The following MIB2 variants were observed in gnomAD, a reference collection of about 807,000 sequenced individuals.
The protein encoded by MIB2 is E3 ubiquitin-protein ligase MIB2.
Under a neutral mutation model 96.6 loss-of-function variants are expected in MIB2, and 78 were observed. The ratio of observed to expected loss-of-function variants is 0.81; its 90% CI spans 0.67 to 0.97. The LOEUF (loss-of-function observed/expected upper bound fraction) is 0.97. MIB2 is among the 50% of genes least tolerant of loss of function. The pLI, the probability that MIB2 is intolerant of heterozygous loss-of-function variation, is 0.00. For synonymous variants in MIB2, 820 were observed against 629.5 expected (o/e 1.30, Z -4.53); for missense variants, 1,543 against 1,424.0 (o/e 1.08, Z -1.35).
Position 1,623,887 on chromosome 1 carries a change from C to G in MIB2, c.361C>G (p.His121Asp). The G allele has an allele frequency of 6.2e-7, 1 of 1,612,142 alleles. No homozygotes were observed. Among genetic ancestry groups the G allele is most frequent in the Admixed American group, 1.7e-5 (1 of 59,952 alleles). The change falls in exon 4 of 20, where the codon CAC becomes GAC. Residue 121 changes from histidine to aspartate, a missense_variant. His to Asp is a moderately conservative substitution (Grantham distance 81). Transcript: ENST00000355826. Reference sequence around the variant, plus strand: ...CGACCTCTGCACGCAGTGCTACATGCACAACAAGCATGAGCTCGCCCACGC... The same window carrying G: ...CGACCTCTGCACGCAGTGCTACATGGACAACAAGCATGAGCTCGCCCACGC... The part of the protein sequence containing the change: ...DYDLCTQCYM[H>D]NKHELAHAFD...
At position 1,623,845 on chromosome 1, in the gene MIB2, C is replaced by G; in HGVS notation, c.319C>G (p.Arg107Gly). ...GCTGCGGGGGATGCGCTGGAAGTGC[C>G]GTGTGTGCCTGGACTACGACCTCTG... ...HGLRGMRWKCRVCLDYDLCTQ... is the reference protein window; with the variant it reads ...HGLRGMRWKCGVCLDYDLCTQ... Residue 107 changes from arginine to glycine, a missense_variant, in exon 4 of 20, where the codon CGT becomes GGT. Transcript: ENST00000355826. The G allele has an allele frequency of 6.2e-7, 1 of 1,611,264 alleles. No homozygotes were observed. The highest frequency in any genetic ancestry group is 8.5e-7 in the Non-Finnish European group (1 of 1,179,314).
chr1:1,615,719 G>C (rs1341882102), intron 1 of MIB2, 86 bp downstream of exon 1: 1 of 1,495,952 alleles, frequency 6.7e-7, no homozygotes, highest in Non-Finnish European at 8.9e-7. Flanking sequence ...AGCGCCGTCC[G>C]GTTCCCGCTC....
In MIB2 at chr1:1,630,312, GCCGCCC is replaced by G; in HGVS notation, c.2660_2665del (p.Ala887_Pro888del). On this transcript the variant is annotated inframe_deletion, in exon 20 of 20. Transcript: ENST00000355826. Reference sequence around the variant, plus strand: ...CGCAGACGGCTCTGAGGTGGCGAGCGCCGCCCCCGCCCCCGGCCCGCCGCGCCAGCT... The same window carrying G: ...CGCAGACGGCTCTGAGGTGGCGAGCGCCGCCCCCGGCCCGCCGCGCCAGCT... The G allele has an allele frequency of 1.3e-6, 2 of 1,518,872 alleles. No homozygotes were observed. Among genetic ancestry groups the G allele is most frequent in the Non-Finnish European group, 1.8e-6 (2 of 1,139,630 alleles). 94.1% of individuals were successfully genotyped at this position (1,518,872 alleles called of 1,614,324 possible). A position where few individuals can be genotyped will look rare whatever the true frequency, so the allele number is the denominator to read the frequency against.
At position 1,629,514 on chromosome 1, in the gene MIB2, G is replaced by A. The variant is rs367787557; in HGVS notation, c.2511G>A (p.Glu837=). The A allele has an allele frequency of 1.2e-4, 186 of 1,537,950 alleles. No homozygotes were observed. The highest frequency in any genetic ancestry group is 1.9e-4 in the Middle Eastern group (1 of 5,148). Residue 837 remains glutamate (E), a synonymous_variant, in exon 18 of 20, where the codon GAG becomes GAA. Coordinates refer to ENST00000355826, the MANE Select transcript of MIB2 (RefSeq NM_001170687.4). ...PEAAECLVCS[E]LALLVLFSPC... ...CCGCTGAGTGCCTGGTGTGCTCCGA[G>A]CTGGCGCTGCTGGTGCTGTTCTCGC...
chr1:1,630,027 C>A (rs564456283), intron 19 of MIB2, among the ~76,000 whole-genome samples: 374 of 148,766 alleles, frequency 2.5e-3, no homozygotes, highest in Non-Finnish European at 4.7e-3. Context: ...GCACCGCCCC[C>A]CCATCACACC....
At chr1:1,628,945 G>A (rs1645085461) in intron 16 of MIB2, 188 bp from the exon 17 acceptor site, 1 of 727,954 alleles carries the variant, frequency 1.4e-6, no homozygotes, top group Non-Finnish European at 2.1e-6. Flanking sequence ...GAGAGGTGGA[G>A]CTTAGGGTCT....
chr1:1,622,558 C>T (rs540546541), intron 2 of MIB2, among the ~76,000 whole-genome samples: 1 of 152,194 alleles, frequency 6.6e-6, no homozygotes, highest in African/African-American at 2.4e-5. Context: ...CCTGGCATGG[C>T]GTTTGCACTT....
Position 1,625,289 on chromosome 1 carries a change from A to T in MIB2, c.725A>T (p.Lys242Met). The change falls in exon 7 of 20, where the codon AAG (lysine) becomes ATG (methionine). Residue 242 changes from lysine to methionine, a missense_variant. Physicochemically the swap from Lys to Met is moderately conservative, Grantham distance 95. Coordinates refer to ENST00000355826, the MANE Select transcript of MIB2 (RefSeq NM_001170687.4). This position sits in a 1 kb window ranked among gnomAD's most constrained non-coding sequence, Gnocchi z 5.0. Reference protein sequence around the residue: ...YYKDHLPRLGKPAELQRRVSA... With the variant: ...YYKDHLPRLGMPAELQRRVSA... ...CCTGGTCTGCCACCCTCCGCAGGCA[A>T]GCCGGCGGAGCTGCAGCGCAGGGTG... is the stretch of plus-strand genomic sequence containing the variant. 1 of 1,589,538 alleles carries T rather than the reference A, an allele frequency of 6.3e-7. No individual in the cohort carries two copies.
chr1:1,623,071 G>GTA (rs1644405448), intron 2 of MIB2: 2 of 409,646 alleles, frequency 4.9e-6, no homozygotes, highest in South Asian at 9.0e-5. Context: ...TTACTTTAGT[G>GTA]AAGTCCAGTG....
At position 1,627,999 on chromosome 1, in the gene MIB2, C is replaced by T. The variant is rs746061972; in HGVS notation, c.1681-20C>T. 7.4e-6 allele frequency: 12 copies of T among 1,611,656 alleles called. No homozygotes were observed. The South Asian group carries it at 9.9e-5, about 13-fold the overall frequency. On this transcript the variant is annotated intron_variant, in intron 13 of 19. Transcript: ENST00000355826. ...CAAGCAGAAGTCACCCCCAGGTGAC[C>T]ACTGACTCCGCCCCAGCAGGACGCC... is the stretch of plus-strand genomic sequence containing the variant.
At chr1:1,622,991 G>A (rs573167778) in intron 2 of MIB2, 18 of 250,770 alleles carry the variant, frequency 7.2e-5, no homozygotes, top group Non-Finnish European at 1.1e-4. Context: ...TCTGAGGGAC[G>A]CGTGTCACGG....
In MIB2 at chr1:1,624,469, G is replaced by A. The variant is rs186065798; in HGVS notation, c.420-326G>A. Among the ~76,000 whole-genome samples, 717 of 152,332 alleles carry A rather than the reference G, an allele frequency of 4.7e-3. 17 individuals are homozygous for A. Among genetic ancestry groups the A allele is most frequent in the Admixed American group, 0.041 (620 of 15,306 alleles). On this transcript the variant is annotated intron_variant, in intron 4 of 19. Coordinates refer to ENST00000355826, the MANE Select transcript of MIB2 (RefSeq NM_001170687.4). ...GGCCTGGCTGTGCCCCAGCTCACTG[G>A]GAGGCAGCAGGCATGAAGCGACCGC...
At chr1:1,629,349 T>G in intron 17 of MIB2, 36 bp from the exon 18 acceptor site, 1 of 1,442,478 alleles carries the variant, frequency 6.9e-7, no homozygotes, top group Admixed American at 2.9e-5. Flanking sequence ...TCCGGCGGCC[T>G]CCGGGCCCCT....
Position 1,626,962 on chromosome 1 carries a change from C to G in MIB2, c.1203C>G (p.Ala401=). 6.2e-7 allele frequency: 1 copy of G among 1,611,660 alleles called. No individual in the cohort carries two copies. Among genetic ancestry groups the G allele is most frequent in the Non-Finnish European group, 8.5e-7 (1 of 1,179,592 alleles). The change falls in exon 10 of 20, where the codon GCC becomes GCG. Residue 401 remains alanine (A), a synonymous_variant. Coordinates refer to ENST00000355826, the MANE Select transcript of MIB2 (RefSeq NM_001170687.4). The surrounding 1 kb of genome is among the most constrained non-coding windows in gnomAD (Gnocchi z 5.3). ...CLVAYRPEED[A]NLDVAERARE... ...TGGCCTACCGGCCCGAGGAGGATGC[C>G]AACCTGGACGTGGCCGAGCGCGCCC...
rs567775663 is a variant in MIB2 at position 1,616,509 on chromosome 1, G to T, written c.-128G>T. On this transcript the variant is annotated splice_region_variant and 5_prime_UTR_variant, in exon 2 of 20. Transcript: ENST00000355826. ...CTTGGCATCTCCCCTCGGCCACAGGGTTGGAAGCCCAGCGAGGCTAGAGGC... is the reference window on the plus strand; with the variant it reads ...CTTGGCATCTCCCCTCGGCCACAGGTTTGGAAGCCCAGCGAGGCTAGAGGC... The T allele has an allele frequency of 6.3e-7, 1 of 1,586,868 alleles. No homozygotes were observed. The highest frequency in any genetic ancestry group is 8.6e-7 in the Non-Finnish European group (1 of 1,167,238).
chr1:1,626,821 C>T lies in MIB2; in HGVS notation c.1078-16C>T. Reference sequence around the variant, plus strand: ...CCACACCTGCAGCCTGCTGTGACCCCCTCCCCTCCCCGCAGGCCCTGGGCC... The same window carrying T: ...CCACACCTGCAGCCTGCTGTGACCCTCTCCCCTCCCCGCAGGCCCTGGGCC... On this transcript the variant is annotated splice_polypyrimidine_tract_variant and intron_variant, in intron 9 of 19. Coordinates refer to ENST00000355826, the MANE Select transcript of MIB2 (RefSeq NM_001170687.4). The surrounding 1 kb of genome is among the most constrained non-coding windows in gnomAD (Gnocchi z 5.3). 6.3e-7 allele frequency: 1 copy of T among 1,599,702 alleles called. No individual in the cohort carries two copies.
In MIB2 at chr1:1,615,624, TC is replaced by T. The variant is rs781623668; in HGVS notation, c.-138del. The T allele has an allele frequency of 3.2e-6, 5 of 1,573,178 alleles. No homozygotes were observed. In the South Asian group the frequency reaches 5.8e-5, roughly 18 times the overall value. On this transcript the variant is annotated 5_prime_UTR_variant, in exon 1 of 20. It removes the in-frame stop codon of an upstream open reading frame in the 5' UTR. Coordinates refer to ENST00000355826, the MANE Select transcript of MIB2 (RefSeq NM_001170687.4). Reference sequence around the variant, plus strand: ...CACTGGCGCGATGCGGGCCGTCCTCTCGGCTGATGGTGCGTGCGGGCGCGGA... The same window carrying T: ...CACTGGCGCGATGCGGGCCGTCCTCTGGCTGATGGTGCGTGCGGGCGCGGA...
chr1:1,621,010 G>T (rs562162861), intron 2 of MIB2, among the ~76,000 whole-genome samples: 1 of 152,376 alleles, frequency 6.6e-6, no homozygotes, highest in African/African-American at 2.4e-5. Flanking sequence ...GGCTAGAAGC[G>T]GCCTGTGCTG....
At position 1,625,430 on chromosome 1, in the gene MIB2, T is replaced by TGAGCC. The variant is rs1320417821; in HGVS notation, c.864+4_864+8dup. On this transcript the variant is annotated splice_region_variant and intron_variant, in intron 7 of 19. Coordinates refer to ENST00000355826, the MANE Select transcript of MIB2 (RefSeq NM_001170687.4). The surrounding 1 kb of genome is among the most constrained non-coding windows in gnomAD (Gnocchi z 5.0). ...GGCTGGAACCCCAGGATGGCGGAGGTGAGCCGCCCCGCCGTGGAGCCCTGT... is the reference window on the plus strand; with the variant it reads ...GGCTGGAACCCCAGGATGGCGGAGGTGAGCCGAGCCGCCCCGCCGTGGAGCCCTGT... 6.4e-7 allele frequency: 1 copy of TGAGCC among 1,560,180 alleles called. No homozygotes were observed. The highest frequency in any genetic ancestry group is 1.9e-5 in the Admixed American group (1 of 52,310).
Sources: gnomAD v4.1 joint callset for allele counts (sites outside exome capture counted in the v4.1 genomes callset) on GRCh38, gnomAD v4.1.1 for gene constraint, Gnocchi (gnomAD v3.1) non-coding constraint, MANE v1.5 for transcripts, NCBI Gene and HGNC (gene_info 2026-07-23, HGNC 2026-07-21) for gene names.